Variants in PPP1R14D observed in about 807,000 individuals in gnomAD.
The protein encoded by PPP1R14D is protein phosphatase 1 regulatory subunit 14D.
In PPP1R14D, 14 loss-of-function variants were observed where a neutral mutation model predicts 17.1. That is an observed-to-expected ratio of 0.82 (90% CI 0.54 to 1.28). The LOEUF (loss-of-function observed/expected upper bound fraction) is 1.28. PPP1R14D is among the 50% of genes most tolerant of loss of function. The pLI, the probability that PPP1R14D is intolerant of heterozygous loss-of-function variation, is 0.00. For missense variants in PPP1R14D, 173 were observed against 179.2 expected (o/e 0.97, Z 0.20); for synonymous variants, 67 against 66.1 (o/e 1.01, Z -0.06).
Position 40,826,328 on chromosome 15 carries a change from T to C in PPP1R14D, c.255+2059A>G, listed in dbSNP as rs536822479. On this transcript the variant is annotated intron_variant, in intron 1 of 3. Coordinates refer to ENST00000299174, the MANE Select transcript of PPP1R14D (RefSeq NM_017726.8). ...CTTACCCACAGGAATTATAGGGCCC[T>C]GCTGCTCCAAAAAGATAGGATCTGA... Among the ~76,000 whole-genome samples, 5 of 152,256 alleles carry C rather than the reference T, an allele frequency of 3.3e-5. No homozygotes were observed. In the South Asian group the frequency reaches 1.0e-3, roughly 32 times the overall value.
chr15:40,828,516 G>C lies in PPP1R14D; in HGVS notation c.126C>G (p.His42Gln), dbSNP rs149331298. Residue 42 changes from histidine (H) to glutamine (Q), a missense_variant, in exon 1 of 4, where the codon CAC (histidine) becomes CAG (glutamine). Transcript: ENST00000299174. ...TSSTDSESKS[H>Q]PDSSKIPRSR... ...ACCTGGGTATCTTGGAGGAGTCCGG[G>C]TGGGACTTGGACTCTGAGTCTGTGG... is the stretch of plus-strand genomic sequence containing the variant. 6.2e-7 allele frequency: 1 copy of C among 1,614,104 alleles called. No individual in the cohort carries two copies. Among genetic ancestry groups the C allele is most frequent in the Non-Finnish European group, 8.5e-7 (1 of 1,180,048 alleles).
intron 1 of PPP1R14D, among the ~76,000 whole-genome samples, chr15:40,819,584 A>C (rs1318780285): frequency 6.6e-6 from 1 of 152,026 alleles, no homozygotes; most frequent in Non-Finnish European, 1.5e-5. Context: ...TAATCACAGA[A>C]CCTCCGAAAG....
chr15:40,824,819 T>C (rs1890843455), intron 1 of PPP1R14D, among the ~76,000 whole-genome samples: 1 of 152,120 alleles, frequency 6.6e-6, no homozygotes, highest in Admixed American at 6.6e-5. Flanking sequence ...ATGTGAAGAT[T>C]AGATTTACCC....
At chr15:40,828,243 C>T (rs1219005698) in intron 1 of PPP1R14D, 144 bp downstream of exon 1, 8 of 1,164,140 alleles carry the variant, frequency 6.9e-6, no homozygotes, top group Non-Finnish European at 9.6e-6. Flanking sequence ...GGACTTCAAA[C>T]CGATGCTTCT....
chr15:40,821,612 G>A (rs533486642), intron 1 of PPP1R14D, among the ~76,000 whole-genome samples: 18 of 152,250 alleles, frequency 1.2e-4, no homozygotes, highest in African/African-American at 1.7e-4. Flanking sequence ...ATCTCAGAGG[G>A]TGTGAGTGGG....
rs1006209739 is a variant in PPP1R14D, at chr15:40,819,696, GT to G, written c.256-3444del. Among the ~76,000 whole-genome samples the G allele has an allele frequency of 3.9e-5, 6 of 151,980 alleles. No homozygotes were observed. In the East Asian group the frequency reaches 9.6e-4, roughly 24 times the overall value. On this transcript the variant is annotated intron_variant, in intron 1 of 3. Transcript: ENST00000299174. ...ATCCATTTTTCTGTTGAGATTTTCA[GT>G]TTTTTTCTTACTGATTTAAGAACTC... is the stretch of plus-strand genomic sequence containing the variant.
At position 40,816,361 on chromosome 15, in the gene PPP1R14D, T is replaced by G. The variant is rs1890664329; in HGVS notation, c.256-108A>C. 3 of 861,902 alleles carry G rather than the reference T, an allele frequency of 3.5e-6. No individual in the cohort carries two copies. In the South Asian group the frequency reaches 4.2e-5, roughly 12 times the overall value. The allele number at this position is 861,902 out of a possible 1,614,324, so 53.4% of individuals were successfully genotyped here. ...TCTCTCCAATTTCCCATGGTTAGAC[T>G]TTCTCCTCACTCAGAACACCCATTC... On this transcript the variant is annotated intron_variant, in intron 1 of 3. Transcript: ENST00000299174.
intron 3 of PPP1R14D, 70 bp from the exon 4 acceptor site, chr15:40,815,831 T>G (rs1890648878): frequency 2.4e-6 from 2 of 818,790 alleles, no homozygotes; most frequent in Non-Finnish European, 3.7e-6. Context: ...CTCCCTAATC[T>G]TCCCCTGCCC....
Position 40,828,654 on chromosome 15 carries a change from C to A in PPP1R14D, c.-13G>T, listed in dbSNP as rs775948331. 3 of 1,596,766 alleles carry A rather than the reference C, an allele frequency of 1.9e-6. No homozygotes were observed. The highest frequency in any genetic ancestry group is 2.7e-5 in the African/African-American group (2 of 74,568). On this transcript the variant is annotated 5_prime_UTR_variant, in exon 1 of 4. Transcript: ENST00000299174. ...TTGAAGACAGCATGGAAGTATTGGTCTGGGCAAGGAGCTGGGAAAAACCGC... is the reference window on the plus strand; with the variant it reads ...TTGAAGACAGCATGGAAGTATTGGTATGGGCAAGGAGCTGGGAAAAACCGC...
chr15:40,816,317 G>A (rs1890663263), intron 1 of PPP1R14D, 64 bp from the exon 2 acceptor site: 4 of 1,361,968 alleles, frequency 2.9e-6, no homozygotes, highest in Non-Finnish European at 4.2e-6. Flanking sequence ...GAAGGTTACT[G>A]TCAGGGACTC....
At chr15:40,827,282 G>A (rs897738400) in intron 1 of PPP1R14D, among the ~76,000 whole-genome samples, 2 of 152,198 alleles carry the variant, frequency 1.3e-5, no homozygotes, top group Non-Finnish European at 2.9e-5. Flanking sequence ...GCTGAGGTGG[G>A]CAGATCACCT....
At chr15:40,819,863 T>C (rs1246621774) in intron 1 of PPP1R14D, among the ~76,000 whole-genome samples, 1 of 141,144 alleles carries the variant, frequency 7.1e-6, no homozygotes, top group South Asian at 2.3e-4. Flanking sequence ...CAGTGTATAT[T>C]GCTATTTTTT....
In PPP1R14D at chr15:40,828,456, G is replaced by C. The variant is rs763908637; in HGVS notation, c.186C>G (p.Asp62Glu). ...CCAGCCAGCGCTGGAGCTGGCCCCG[G>C]TCATACTTCACTGTCAGGCGGCTGG... ...RRPSRLTVKY[D>E]RGQLQRWLEM... Residue 62 changes from aspartate to glutamate, a missense_variant, in exon 1 of 4, where the codon GAC (aspartate) becomes GAG (glutamate). Asp to Glu is a conservative substitution (Grantham distance 45). Transcript: ENST00000299174. The C allele has an allele frequency of 1.2e-6, 2 of 1,614,158 alleles. No individual in the cohort carries two copies. The highest frequency in any genetic ancestry group is 2.7e-5 in the African/African-American group (2 of 75,036).
intron 1 of PPP1R14D, among the ~76,000 whole-genome samples, chr15:40,826,559 C>T (rs1890871568): frequency 6.6e-6 from 1 of 152,108 alleles, no homozygotes; most frequent in Non-Finnish European, 1.5e-5. Context: ...GTGTGGAGAA[C>T]CATTGGCTGC....
Position 40,815,991 on chromosome 15 carries a change from T to G in PPP1R14D, c.343A>C (p.Ile115Leu). The G allele has an allele frequency of 6.2e-7, 1 of 1,614,084 alleles. No homozygotes were observed. The highest frequency in any genetic ancestry group is 1.3e-5 in the African/African-American group (1 of 75,012). Residue 115 changes from isoleucine (I) to leucine (L), a missense_variant, in exon 3 of 4, where the codon ATT becomes CTT. Transcript: ENST00000299174. ...GTGGGGCGGGGGCAGTTCCCAAGAATGGCCTAGATAGGAGAGAACACAGAC... is the reference window on the plus strand; with the variant it reads ...GTGGGGCGGGGGCAGTTCCCAAGAAGGGCCTAGATAGGAGAGAACACAGAC... ...TEEQKTQLEA[I>L]LGNCPRPTEA...
At chr15:40,817,265 G>A in intron 1 of PPP1R14D, 1 of 301,396 alleles carries the variant, frequency 3.3e-6, no homozygotes, top group South Asian at 2.4e-5. Flanking sequence ...GCTGAGGCAG[G>A]AGAATCGATT....
At chr15:40,819,092 CA>C (rs1342892564) in intron 1 of PPP1R14D, among the ~76,000 whole-genome samples, 1 of 152,168 alleles carries the variant, frequency 6.6e-6, no homozygotes, top group African/African-American at 2.4e-5. Context: ...ACTGCTTCAA[CA>C]AGGACATTCT....
intron 1 of PPP1R14D, chr15:40,817,177 TA>T: frequency 4.5e-6 from 1 of 221,632 alleles, no homozygotes; most frequent in Non-Finnish European, 9.9e-6. Flanking sequence ...GCCAACGTGG[TA>T]AAACCCCGTC....
intron 1 of PPP1R14D, among the ~76,000 whole-genome samples, chr15:40,818,116 C>T (rs989486860): frequency 4.0e-5 from 6 of 151,530 alleles, no homozygotes; most frequent in Admixed American, 1.3e-4. Context: ...CAGTGAAACC[C>T]CGTCTCTACT....
Sources: gnomAD v4.1 joint callset for allele counts (sites outside exome capture counted in the v4.1 genomes callset) on GRCh38, gnomAD v4.1.1 for gene constraint, MANE v1.5 for transcripts, NCBI Gene and HGNC (gene_info 2026-07-23, HGNC 2026-07-21) for gene names.